KIN: variants seen among roughly 807,000 people sequenced by gnomAD.
The protein encoded by KIN is DNA/RNA-binding protein KIN17.
In KIN, 47 loss-of-function variants were observed where a neutral mutation model predicts 63.0. That is an observed-to-expected ratio of 0.75 (90% CI 0.59 to 0.95). The LOEUF is 0.95. KIN is among the 40% of genes least tolerant of loss of function. The pLI is 0.00. For missense variants in KIN, 408 were observed against 460.9 expected, an observed-to-expected ratio of 0.89 and a Z score of 1.05; for synonymous variants, 160 against 157.7, an observed-to-expected ratio of 1.01 and a Z score of -0.11.
At chr10:7,772,198 AACCAAG>A (rs1835680406) in intron 7 of KIN, among the ~76,000 whole-genome samples, 2 of 152,316 alleles carry the variant, frequency 1.3e-5, no homozygotes, top group South Asian at 4.1e-4. Flanking sequence ...GAGATGCTGA[AACCAAG>A]AGATGTTAAT....
intron 6 of KIN, among the ~76,000 whole-genome samples, chr10:7,775,426 T>C (rs1835750259): frequency 6.6e-6 from 1 of 152,176 alleles, no homozygotes; most frequent in Admixed American, 6.5e-5. Flanking sequence ...CTCACGACAA[T>C]GCAGAATCTG....
At chr10:7,768,832 C>G (rs1030548825) in intron 8 of KIN, among the ~76,000 whole-genome samples, 16 of 152,016 alleles carry the variant, frequency 1.1e-4, no homozygotes, top group African/African-American at 3.9e-4. Flanking sequence ...GCCTGGCAAA[C>G]ATGGTGAAAC....
At chr10:7,762,121 C>G (rs1199638895) in intron 11 of KIN, among the ~76,000 whole-genome samples, 3 of 151,980 alleles carry the variant, frequency 2.0e-5, no homozygotes, top group Admixed American at 2.0e-4. Context: ...AAATTGGAAA[C>G]TCTTCTGGTC....
chr10:7,783,281 TAAAA>T, intron 1 of KIN, 106 bp from the exon 2 acceptor site: 1 of 501,306 alleles, frequency 2.0e-6, no homozygotes, highest in Non-Finnish European at 3.4e-6. Context: ...GATGATAAAT[TAAAA>T]TATAATCAAA....
chr10:7,774,796 A>T, intron 7 of KIN, 35 bp downstream of exon 7: 1 of 1,524,984 alleles, frequency 6.6e-7, no homozygotes, highest in Non-Finnish European at 9.1e-7. Context: ...CAAAAATCCT[A>T]ATGTTTTAAG....
intron 7 of KIN, among the ~76,000 whole-genome samples, chr10:7,770,363 A>G (rs988884242): frequency 2.6e-5 from 4 of 152,236 alleles, no homozygotes; most frequent in Non-Finnish European, 5.9e-5. Context: ...TGACTGAGCC[A>G]TGCCCTATGC....
Position 7,754,108 on chromosome 10 carries a change from T to C in KIN, c.*1972A>G, listed in dbSNP as rs1010055965. On this transcript the variant is annotated 3_prime_UTR_variant, in exon 13 of 13. Coordinates refer to ENST00000379562, the MANE Select transcript of KIN (RefSeq NM_012311.4). The stretch of plus-strand genomic sequence containing the variant: ...ATTTTAGAAGGCCGAGGCAGGAGGA[T>C]TGCTTGAGCTCAAGAGTTTGAGACC... 1.3e-5 allele frequency: 6 copies of C among 455,778 alleles called. No homozygotes were observed. Among genetic ancestry groups the C allele is most frequent in the Non-Finnish European group, 2.2e-5 (5 of 226,794 alleles). The allele number at this position is 455,778 out of a possible 1,614,324, so 28.2% of individuals were successfully genotyped here.
intron 1 of KIN, among the ~76,000 whole-genome samples, chr10:7,787,276 T>C (rs1187151392): frequency 6.6e-6 from 1 of 152,192 alleles, no homozygotes; most frequent in Non-Finnish European, 1.5e-5. Context: ...GACTTTAAAT[T>C]TTGACAGTCT....
intron 12 of KIN, among the ~76,000 whole-genome samples, chr10:7,758,854 T>C (rs562068819): frequency 6.6e-6 from 1 of 152,218 alleles, no homozygotes; most frequent in South Asian, 2.1e-4. Flanking sequence ...AGGAGTCCTT[T>C]TTCCCTTTCT....
At position 7,775,101 on chromosome 10, in the gene KIN, C is replaced by T. The variant is rs536452276; in HGVS notation, c.608-210G>A. ...AGGAGGAACTTGCACACCGTGTCAC[C>T]GTGGCAGACCACACCGGCGCTTCCC... On this transcript the variant is annotated intron_variant, in intron 6 of 12. Transcript: ENST00000379562. 1.7e-4 allele frequency among the ~76,000 whole-genome samples: 26 copies of T among 152,322 alleles called. No individual in the cohort carries two copies. The East Asian group carries it at 3.5e-3, about 20-fold the overall frequency.
At position 7,763,722 on chromosome 10, in the gene KIN, C is replaced by T; in HGVS notation, c.918+1G>A. On this transcript the variant is annotated splice_donor_variant, in intron 10 of 12. Transcript: ENST00000379562. LOFTEE classifies it high-confidence loss of function. ...TTCCATTCATAATTGCACGTCCTTA[C>T]CTTAACAATAGCCTTTTTCTTATGA... The T allele has an allele frequency of 6.8e-7, 1 of 1,468,666 alleles. No homozygotes were observed. The highest frequency in any genetic ancestry group is 1.2e-5 in the South Asian group (1 of 82,866). 91.0% of individuals were successfully genotyped at this position (1,468,666 alleles called of 1,614,324 possible).
chr10:7,778,925 T>A lies in KIN; in HGVS notation c.471A>T (p.Lys157Asn). ...CATCATCAAGGTCCTGCTTTTTCTT[T>A]TTCTCCAGTTCCAGTTGCCGGCGGA... ...ETIRRQLELEKKKKQDLDDEE... is the reference protein window; with the variant it reads ...ETIRRQLELENKKKQDLDDEE... Residue 157 changes from lysine (K) to asparagine (N), a missense_variant, in exon 5 of 13, where the codon AAA becomes AAT. By Grantham distance (94) the Lys-to-Asn change is moderately conservative. Transcript: ENST00000379562. 6.2e-7 allele frequency: 1 copy of A among 1,614,156 alleles called. No homozygotes were observed. Among genetic ancestry groups the A allele is most frequent in the South Asian group, 1.1e-5 (1 of 91,070 alleles).
intron 7 of KIN, among the ~76,000 whole-genome samples, chr10:7,774,109 T>C (rs1288279394): frequency 6.6e-6 from 1 of 152,082 alleles, no homozygotes; most frequent in Non-Finnish European, 1.5e-5. Context: ...AACAGCAGAG[T>C]TCAGTTATTG....
chr10:7,780,895 G>A (rs1217556138), intron 2 of KIN, among the ~76,000 whole-genome samples: 1 of 152,198 alleles, frequency 6.6e-6, no homozygotes, highest in Non-Finnish European at 1.5e-5. Context: ...CCTTTGGAAT[G>A]GGTCCTTCAT....
chr10:7,763,073 T>C (rs1018280561), intron 10 of KIN, among the ~76,000 whole-genome samples: 2 of 151,932 alleles, frequency 1.3e-5, no homozygotes, highest in African/African-American at 4.8e-5. Context: ...CCAGCCAACT[T>C]GGTGAAACCC....
intron 7 of KIN, 64 bp from the exon 8 acceptor site, chr10:7,769,409 G>T: frequency 6.7e-7 from 1 of 1,491,826 alleles, no homozygotes; most frequent in Non-Finnish European, 9.1e-7. Flanking sequence ...TTTACGATGT[G>T]CAAAATTCAC....
At chr10:7,786,430 G>C (rs1836008288) in intron 1 of KIN, among the ~76,000 whole-genome samples, 1 of 152,090 alleles carries the variant, frequency 6.6e-6, no homozygotes, top group African/African-American at 2.4e-5. Flanking sequence ...ATTACTTAAA[G>C]TGTTAAGTCT....
At chr10:7,766,469 G>T in intron 8 of KIN, 1 of 209,968 alleles carries the variant, frequency 4.8e-6, no homozygotes, top group Non-Finnish European at 9.5e-6. Flanking sequence ...CATAACACAT[G>T]GATCAATGTA....
At chr10:7,785,189 T>A (rs1835974123) in intron 1 of KIN, among the ~76,000 whole-genome samples, 2 of 149,980 alleles carry the variant, frequency 1.3e-5, no homozygotes, top group Non-Finnish European at 3.0e-5. Context: ...AAGGTCAAGG[T>A]TGCAGTGAGC....
Sources: gnomAD v4.1 joint callset for allele counts (sites outside exome capture counted in the v4.1 genomes callset) on GRCh38, gnomAD v4.1.1 for gene constraint, MANE v1.5 for transcripts, NCBI Gene and HGNC (gene_info 2026-07-23, HGNC 2026-07-21) for gene names.